SLC44A5: variants seen among roughly 807,000 people sequenced by gnomAD.
SLC44A5 encodes solute carrier family 44 member 5.
SLC44A5 carries 57 observed loss-of-function variants against 101.8 expected under a neutral mutation model. The observed-to-expected ratio is 0.56, with a 90% CI of 0.45 to 0.70. The LOEUF (loss-of-function observed/expected upper bound fraction) is 0.70. Among genes scored for constraint, SLC44A5 ranks in the 30% least tolerant of loss-of-function variants. The probability of loss-of-function intolerance (pLI) is 0.00; values close to 1 mark genes in which losing one functional copy is unlikely to be tolerated. For missense variants in SLC44A5, 737 were observed against 853.1 expected (o/e 0.86, Z 1.70); for synonymous variants, 281 against 290.9 (o/e 0.97, Z 0.35).
At chr1:75,375,144 C>T (rs1445059383) in intron 3 of SLC44A5, among the ~76,000 whole-genome samples, 1 of 152,038 alleles carries the variant, frequency 6.6e-6, no homozygotes, top group African/African-American at 2.4e-5. Context: ...GACAACAGAG[C>T]CATTTTAAGT....
intron 2 of SLC44A5, among the ~76,000 whole-genome samples, chr1:75,468,063 A>C (rs916955711): frequency 6.6e-6 from 1 of 152,158 alleles, no homozygotes; most frequent in Non-Finnish European, 1.5e-5. Context: ...AAAGGCATAT[A>C]ACAAGGTTTT....
chr1:75,603,753 GTT>G (rs57844833), intron 1 of SLC44A5, among the ~76,000 whole-genome samples: 4 of 54,084 alleles, frequency 7.4e-5, no homozygotes, highest in Non-Finnish European at 9.4e-5. Context: ...ATTTTTTCAT[GTT>G]TTTTTTTTTT....
the SLC44A5 span, among the ~76,000 whole-genome samples, chr1:75,693,201 T>C: frequency 3.2e-4 from 48 of 152,342 alleles, no homozygotes; most frequent in African/African-American, 1.1e-3. Flanking sequence ...TCAGGAATTC[T>C]AGAGTTCTGG....
At chr1:75,603,604 T>C (rs542464327) in intron 1 of SLC44A5, among the ~76,000 whole-genome samples, 1 of 152,016 alleles carries the variant, frequency 6.6e-6, no homozygotes, top group East Asian at 1.9e-4. Context: ...CAACAGTGTA[T>C]ATATGCTTAT....
intron 2 of SLC44A5, among the ~76,000 whole-genome samples, chr1:75,499,940 G>A (rs1011021298): frequency 6.6e-6 from 1 of 152,116 alleles, no homozygotes; most frequent in African/African-American, 2.4e-5. Context: ...GTGGACAGAA[G>A]TGATAGGCAT....
intron 1 of SLC44A5, among the ~76,000 whole-genome samples, chr1:75,608,202 C>T (rs78234611): frequency 6.7e-6 from 1 of 149,018 alleles, no homozygotes. Context: ...AAACAAAAAA[C>T]AAAAAAAAAC....
intron 23 of SLC44A5, among the ~76,000 whole-genome samples, chr1:75,208,411 G>A (rs541120106): frequency 2.6e-5 from 4 of 152,194 alleles, no homozygotes; most frequent in Middle Eastern, 3.4e-3. Context: ...TGCCGGCCTC[G>A]GCCTCCCAAA....
intron 2 of SLC44A5, among the ~76,000 whole-genome samples, chr1:75,412,416 T>G (rs546644280): frequency 6.6e-6 from 1 of 152,276 alleles, no homozygotes; most frequent in Middle Eastern, 3.4e-3. Context: ...TATCACTCTA[T>G]GCATTGAGCT....
chr1:75,394,410 A>T (rs1661994041), intron 3 of SLC44A5, among the ~76,000 whole-genome samples: 1 of 152,194 alleles, frequency 6.6e-6, no homozygotes. Context: ...TTTTAGCGTG[A>T]TGAAAGGGTT....
chr1:75,377,165 T>G (rs1263332981), intron 3 of SLC44A5, among the ~76,000 whole-genome samples: 3 of 150,494 alleles, frequency 2.0e-5, no homozygotes, highest in African/African-American at 4.9e-5. Flanking sequence ...CATTTTGTTA[T>G]GTACTAAGAA....
At chr1:75,649,236 A>G in the SLC44A5 span, among the ~76,000 whole-genome samples, 1 of 152,312 alleles carries the variant, frequency 6.6e-6, no homozygotes, top group African/African-American at 2.4e-5. Flanking sequence ...ATCTTGTCTT[A>G]ATCCCTAAGG....
chr1:75,677,324 A>C, the SLC44A5 span, among the ~76,000 whole-genome samples: 1 of 152,198 alleles, frequency 6.6e-6, no homozygotes, highest in Non-Finnish European at 1.5e-5. Context: ...AGATAAATGG[A>C]AACAACAAAA....
chr1:75,587,605 T>G (rs1263767967), intron 1 of SLC44A5, among the ~76,000 whole-genome samples: 1 of 152,210 alleles, frequency 6.6e-6, no homozygotes, highest in East Asian at 1.9e-4. Flanking sequence ...GTAATAAATT[T>G]TTTTGATTTT....
At chr1:75,276,528 C>G (rs1009227251) in intron 5 of SLC44A5, among the ~76,000 whole-genome samples, 1 of 151,978 alleles carries the variant, frequency 6.6e-6, no homozygotes, top group Non-Finnish European at 1.5e-5. Flanking sequence ...GAGTGAGTCA[C>G]TTAATTATTT....
At chr1:75,478,277 A>G (rs559520570) in intron 2 of SLC44A5, among the ~76,000 whole-genome samples, 101 of 152,282 alleles carry the variant, frequency 6.6e-4, no homozygotes, top group South Asian at 1.5e-3. Context: ...AGGAACAACC[A>G]GTACCAGCCA....
At chr1:75,586,584 T>A (rs1674014067) in intron 1 of SLC44A5, among the ~76,000 whole-genome samples, 1 of 151,942 alleles carries the variant, frequency 6.6e-6, no homozygotes, top group Non-Finnish European at 1.5e-5. Flanking sequence ...CTCATATGAT[T>A]ACTCCTTTCT....
the SLC44A5 span, among the ~76,000 whole-genome samples, chr1:75,681,300 A>G: frequency 2.0e-5 from 3 of 152,282 alleles, no homozygotes; most frequent in East Asian, 3.9e-4. Flanking sequence ...CAGAGACACA[A>G]CCAAAAAAGA....
chr1:75,318,369 T>C (rs1655860150), intron 4 of SLC44A5, among the ~76,000 whole-genome samples: 2 of 118,234 alleles, frequency 1.7e-5, no homozygotes, highest in Admixed American at 2.0e-4. Flanking sequence ...ATCCCATCTC[T>C]TGAAAGAAAG....
chr1:75,463,891 A>T (rs905284169), intron 2 of SLC44A5, among the ~76,000 whole-genome samples: 1 of 140,528 alleles, frequency 7.1e-6, no homozygotes, highest in Non-Finnish European at 1.5e-5. Context: ...AAACAAAAAC[A>T]ATAACAACTT....
Sources: gnomAD v4.1 joint callset for allele counts (sites outside exome capture counted in the v4.1 genomes callset) on GRCh38, gnomAD v4.1.1 for gene constraint, MANE v1.5 for transcripts, NCBI Gene and HGNC (gene_info 2026-07-23, HGNC 2026-07-21) for gene names.